Variants in YY1AP1 observed in about 807,000 individuals in gnomAD.
The protein encoded by YY1AP1 is YY1 associated protein 1.
YY1AP1 carries 43 observed loss-of-function variants against 39.9 expected under a neutral mutation model. The observed-to-expected ratio is 1.08, with a 90% CI of 0.84 to 1.39. YY1AP1 has a LOEUF of 1.39. Among genes scored for constraint, YY1AP1 ranks in the 40% most tolerant of loss-of-function variants. The pLI is 0.00. For missense variants in YY1AP1, 813 were observed against 900.7 expected (o/e 0.90, Z 1.25); for synonymous variants, 292 against 331.3 (o/e 0.88, Z 1.29).
At chr1:155,671,872 A>G (rs751692525) in intron 7 of YY1AP1, among the ~76,000 whole-genome samples, 13 of 152,228 alleles carry the variant, frequency 8.5e-5, no homozygotes, top group Non-Finnish European at 1.5e-4. Context: ...ATGTAATGAT[A>G]AGACTTAGGG....
intron 8 of YY1AP1, among the ~76,000 whole-genome samples, chr1:155,669,845 C>G (rs1257685712): frequency 6.6e-6 from 1 of 151,994 alleles, no homozygotes; most frequent in Non-Finnish European, 1.5e-5. Flanking sequence ...CTGGGCAACA[C>G]AGAGATACCC....
At chr1:155,666,411 G>A (rs529677360) in intron 9 of YY1AP1, among the ~76,000 whole-genome samples, 6 of 152,034 alleles carry the variant, frequency 3.9e-5, no homozygotes, top group Admixed American at 6.6e-5. Context: ...GTGAGCCACC[G>A]CGCCCAGCCA....
rs561488941 is a variant in YY1AP1 at position 155,678,678 on chromosome 1, G to A, written c.125+731C>T. On this transcript the variant is annotated intron_variant, in intron 4 of 10. Coordinates refer to ENST00000355499, the MANE Select transcript of YY1AP1 (RefSeq NM_139119.3). ...TATCTTATCTTTTTTCACTAAATTG[G>A]AAAATCCCTAAAGGTCTAGCTTTCA... is the stretch of plus-strand genomic sequence containing the variant. Among the ~76,000 whole-genome samples the A allele has an allele frequency of 3.1e-3, 471 of 152,194 alleles. 1 individual carries two copies. Among genetic ancestry groups the A allele is most frequent in the Middle Eastern group, 0.01 (3 of 292 alleles).
chr1:155,682,812 G>T (rs781038947), intron 2 of YY1AP1, among the ~76,000 whole-genome samples: 2 of 152,002 alleles, frequency 1.3e-5, no homozygotes, highest in Admixed American at 6.6e-5. Context: ...TCTTCTGGGC[G>T]TGGTGGCTCC....
Position 155,661,276 on chromosome 1 carries a change from C to T in YY1AP1, c.996+31G>A, listed in dbSNP as rs1307791280. 4.3e-6 allele frequency: 7 copies of T among 1,613,822 alleles called. No homozygotes were observed. In the African/African-American group the frequency reaches 5.3e-5, roughly 12 times the overall value. ...CTCAGAACTTTCAGTGACCTTCTGCCTCCTACAGACTTCGAGGAAGAGGGC... is the reference window on the plus strand; with the variant it reads ...CTCAGAACTTTCAGTGACCTTCTGCTTCCTACAGACTTCGAGGAAGAGGGC... On this transcript the variant is annotated intron_variant, in intron 10 of 10. Coordinates refer to ENST00000355499, the MANE Select transcript of YY1AP1 (RefSeq NM_139119.3).
At position 155,679,787 on chromosome 1, in the gene YY1AP1, C is replaced by A. The variant is rs1363879959; in HGVS notation, c.22-275G>T. 13 of 1,287,692 alleles carry A rather than the reference C, an allele frequency of 1.0e-5. No homozygotes were observed. The East Asian group carries it at 3.3e-4, about 33-fold the overall frequency. 79.8% of individuals were successfully genotyped at this position (1,287,692 alleles called of 1,614,324 possible). A position where few individuals can be genotyped will look rare whatever the true frequency, so the allele number is the denominator to read the frequency against. Reference sequence around the variant, plus strand: ...TGATCAATTTCTTAAACAGAAATATCTTTTTAGACAAATTTATGGAAAAGG... The same window carrying A: ...TGATCAATTTCTTAAACAGAAATATATTTTTAGACAAATTTATGGAAAAGG... On this transcript the variant is annotated intron_variant, in intron 3 of 10. Transcript: ENST00000355499.
At chr1:155,678,066 C>A (rs1220770057) in intron 4 of YY1AP1, among the ~76,000 whole-genome samples, 1 of 152,178 alleles carries the variant, frequency 6.6e-6, no homozygotes, top group African/African-American at 2.4e-5. Context: ...ATGTTTCAGT[C>A]AATAACGAAC....
intron 5 of YY1AP1, among the ~76,000 whole-genome samples, chr1:155,676,028 C>T (rs909823626): frequency 2.6e-5 from 4 of 152,078 alleles, no homozygotes; most frequent in Non-Finnish European, 5.9e-5. Context: ...TCGAGACCAT[C>T]CTGGCTAACA....
intron 9 of YY1AP1, among the ~76,000 whole-genome samples, chr1:155,662,117 C>T (rs748091521): frequency 1.3e-5 from 2 of 151,354 alleles, no homozygotes; most frequent in Non-Finnish European, 2.9e-5. Context: ...AAAATGGACA[C>T]ATCAAAGACT....
chr1:155,687,100 A>T (rs1220832120), intron 2 of YY1AP1, among the ~76,000 whole-genome samples: 1 of 152,254 alleles, frequency 6.6e-6, no homozygotes, highest in East Asian at 1.9e-4. Context: ...CAGTATCACA[A>T]AGAAACTGAA....
At chr1:155,682,818 G>C (rs1186322774) in intron 2 of YY1AP1, among the ~76,000 whole-genome samples, 1 of 152,106 alleles carries the variant, frequency 6.6e-6, no homozygotes, top group Non-Finnish European at 1.5e-5. Context: ...GGGCGTGGTG[G>C]CTCCTGCCTG....
At chr1:155,674,397 C>T (rs1022919372) in intron 6 of YY1AP1, among the ~76,000 whole-genome samples, 4 of 152,124 alleles carry the variant, frequency 2.6e-5, no homozygotes, top group Admixed American at 2.0e-4. Context: ...ATCCTATCAC[C>T]TCAGCCTCCC....
In YY1AP1 at chr1:155,687,016, G is replaced by A. The variant is rs11803517; in HGVS notation, c.-21+1055C>T. ...CACCAATTTAACATGCGGCCTTGGA[G>A]AAGTTCTCTCCTTATGCCTAAATTT... On this transcript the variant is annotated intron_variant, in intron 2 of 10. Transcript: ENST00000355499. 3.8e-3 allele frequency among the ~76,000 whole-genome samples: 576 copies of A among 152,122 alleles called. 5 individuals are homozygous for A. Among genetic ancestry groups the A allele is most frequent in the African/African-American group, 0.013 (555 of 41,490 alleles).
Position 155,660,156 on chromosome 1 carries a change from G to A in YY1AP1, c.1754C>T (p.Pro585Leu), listed in dbSNP as rs1647825395. Residue 585 changes from proline (P) to leucine (L), a missense_variant, in exon 11 of 11, where the codon CCC becomes CTC. Transcript: ENST00000355499. ...QPVNAAVAQS[P>L]QTIPIATLLV... The stretch of plus-strand genomic sequence containing the variant: ...GAGGGTGGCGATGGGAATAGTCTGG[G>A]GACTCTGGGCCACAGCCGCATTGAC... 6.2e-7 allele frequency: 1 copy of A among 1,614,058 alleles called. No homozygotes were observed. The highest frequency in any genetic ancestry group is 1.1e-5 in the South Asian group (1 of 91,078).
At chr1:155,678,843 C>T (rs1651107590) in intron 4 of YY1AP1, among the ~76,000 whole-genome samples, 2 of 152,132 alleles carry the variant, frequency 1.3e-5, no homozygotes, top group African/African-American at 4.8e-5. Context: ...TGATTATATG[C>T]TGCTACAACA....
Position 155,659,796 on chromosome 1 carries a change from G to C in YY1AP1, c.2114C>G (p.Thr705Arg), listed in dbSNP as rs1647742489. ...NSAYRWTVVK[T>R]EEGRQALEPL... ...CTCCAGAGCTTGCCTTCCCTCCTCTGTTTTCACAACGGTCCAGCGATAGGC... is the reference window on the plus strand; with the variant it reads ...CTCCAGAGCTTGCCTTCCCTCCTCTCTTTTCACAACGGTCCAGCGATAGGC... The change falls in exon 11 of 11, where the codon ACA becomes AGA. Residue 705 changes from threonine (T) to arginine (R), a missense_variant. This residue lies in a region of YY1AP1 where 586 missense variants were observed against 647.4 expected (regional missense o/e 0.91). Transcript: ENST00000355499. 5 of 1,614,190 alleles carry C rather than the reference G, an allele frequency of 3.1e-6. No individual in the cohort carries two copies. Among genetic ancestry groups the C allele is most frequent in the Non-Finnish European group, 3.4e-6 (4 of 1,180,022 alleles).
intron 9 of YY1AP1, among the ~76,000 whole-genome samples, chr1:155,667,722 T>C (rs1649223276): frequency 6.6e-6 from 1 of 151,584 alleles, no homozygotes. Context: ...CAAGGGAGGC[T>C]GAGGCAGGAG....
intron 5 of YY1AP1, 91 bp from the exon 6 acceptor site, chr1:155,675,187 G>T: frequency 3.4e-6 from 4 of 1,176,528 alleles, no homozygotes; most frequent in Non-Finnish European, 4.9e-6. Flanking sequence ...TGGAGACAGG[G>T]TCTTGCTCTG....
chr1:155,667,687 T>G (rs1042529242), intron 9 of YY1AP1, among the ~76,000 whole-genome samples: 3 of 151,554 alleles, frequency 2.0e-5, no homozygotes, highest in Non-Finnish European at 2.9e-5. Flanking sequence ...CTGGGCATGG[T>G]GGCAGGGGCC....
Sources: allele counts gnomAD v4.1 joint callset (sites outside exome capture counted in the v4.1 genomes callset), GRCh38; gene constraint gnomAD v4.1.1; regional missense constraint gnomAD v4.1.1; transcripts MANE v1.5; gene names NCBI Gene and HGNC (gene_info 2026-07-23, HGNC 2026-07-21).